FABP12: variants seen among roughly 807,000 people sequenced by gnomAD.
FABP12 encodes the protein fatty acid binding protein 12, also known as fatty acid-binding protein 12.
FABP12 carries 19 observed loss-of-function variants against 13.7 expected under a neutral mutation model. The ratio of observed to expected loss-of-function variants is 1.39; its 90% CI spans 0.97 to 2.04. The LOEUF is 2.04. Among genes scored for constraint, FABP12 ranks in the 30% most tolerant of loss-of-function variants. The pLI is 0.00. For missense variants in FABP12, 182 were observed against 164.2 expected, an observed-to-expected ratio of 1.11 and a Z score of -0.59; for synonymous variants, 61 against 57.0, an observed-to-expected ratio of 1.07 and a Z score of -0.32.
intron 1 of FABP12, among the ~76,000 whole-genome samples, chr8:81,573,992 G>A (rs1809982077): frequency 6.6e-6 from 1 of 152,142 alleles, no homozygotes; most frequent in Non-Finnish European, 1.5e-5. Context: ...GTACTATGTT[G>A]AAGAGGAGTG....
chr8:81,552,541 T>A (rs112918960), intron 1 of FABP12, among the ~76,000 whole-genome samples: 1,550 of 152,238 alleles, frequency 0.01, 16 homozygotes, highest in African/African-American at 0.034. Context: ...AGGAGACTTG[T>A]TAGACTGTCA....
upstream of FABP12, among the ~76,000 whole-genome samples, chr8:81,534,600 A>G (rs2129967456): frequency 6.6e-6 from 1 of 152,274 alleles, no homozygotes; most frequent in African/African-American, 2.4e-5. Flanking sequence ...AAGTGTCCAG[A>G]CAGCCTAGAT....
At chr8:81,575,038 A>T (rs1810011572) in intron 1 of FABP12, among the ~76,000 whole-genome samples, 1 of 151,412 alleles carries the variant, frequency 6.6e-6, no homozygotes, top group Middle Eastern at 3.4e-3. Flanking sequence ...CTTGAGGTGT[A>T]ACCTTAGAAT....
At chr8:81,535,543 C>G (rs1054917814), upstream of FABP12, among the ~76,000 whole-genome samples, 2 of 152,204 alleles carry the variant, frequency 1.3e-5, no homozygotes, top group African/African-American at 4.8e-5. Context: ...ACCGGACCTA[C>G]TGAGACCTAG....
intron 1 of FABP12, among the ~76,000 whole-genome samples, chr8:81,547,514 G>T (rs948744619): frequency 1.3e-5 from 2 of 152,122 alleles, no homozygotes; most frequent in African/African-American, 4.8e-5. Flanking sequence ...CTTCTTTTTA[G>T]CAGGTACTGA....
At chr8:81,528,689 A>G (rs9298366) in intron 3 of FABP12, among the ~76,000 whole-genome samples, 42,100 of 152,042 alleles carry the variant, frequency 0.28, 7,654 homozygotes, top group African/African-American at 0.53. Context: ...TGGTGTAGGG[A>G]AAAAGACTGT....
At chr8:81,567,850 G>A (rs796404094) in intron 1 of FABP12, among the ~76,000 whole-genome samples, 38 of 151,860 alleles carry the variant, frequency 2.5e-4, no homozygotes, top group African/African-American at 8.3e-4. Context: ...GGCCGGGCGC[G>A]GTGGCTCACG....
intron 1 of FABP12, among the ~76,000 whole-genome samples, chr8:81,571,876 C>G (rs1809937760): frequency 6.6e-6 from 1 of 152,216 alleles, no homozygotes; most frequent in Admixed American, 6.5e-5. Flanking sequence ...ATTCTTGAGT[C>G]TATCATAACA....
At chr8:81,568,620 C>T (rs1014296147) in intron 1 of FABP12, among the ~76,000 whole-genome samples, 1 of 152,124 alleles carries the variant, frequency 6.6e-6, no homozygotes, top group Non-Finnish European at 1.5e-5. Context: ...GCAGCAACAC[C>T]ACGGCTAGGT....
chr8:81,558,508 T>C (rs543779873), intron 1 of FABP12, among the ~76,000 whole-genome samples: 11 of 152,242 alleles, frequency 7.2e-5, no homozygotes, highest in African/African-American at 2.6e-4. Flanking sequence ...TCCCTGAGCC[T>C]GCTCCACGTG....
At chr8:81,554,530 GT>G (rs1162374189) in intron 1 of FABP12, among the ~76,000 whole-genome samples, 1 of 152,136 alleles carries the variant, frequency 6.6e-6, no homozygotes, top group Non-Finnish European at 1.5e-5. Flanking sequence ...TCTCTCAATA[GT>G]AAAGAATATT....
At chr8:81,528,837 G>A (rs749419101) in intron 3 of FABP12, among the ~76,000 whole-genome samples, 7 of 152,088 alleles carry the variant, frequency 4.6e-5, no homozygotes, top group Non-Finnish European at 1.0e-4. Flanking sequence ...TCTTTATCCT[G>A]GTGTTGGAGA....
chr8:81,576,958 G>T (rs939378364), intron 1 of FABP12, among the ~76,000 whole-genome samples: 1 of 152,172 alleles, frequency 6.6e-6, no homozygotes, highest in Non-Finnish European at 1.5e-5. Context: ...TTGGACAAAA[G>T]GGTCACATGG....
exon 2 of FABP12, chr8:81,531,297 C>G: frequency 6.2e-7 from 1 of 1,603,094 alleles, no homozygotes; most frequent in South Asian, 1.1e-5. Context: ...TTCCATGTTC[C>G]TTGGAGCTGG....
At chr8:81,525,867 C>G (rs1043618924) in intron 4 of FABP12, 3 of 152,128 alleles carry the variant, frequency 2.0e-5, no homozygotes, top group African/African-American at 7.2e-5. Context: ...CATGATGATA[C>G]TTAATTCTCT....
At chr8:81,549,537 A>T (rs1809493563) in intron 1 of FABP12, among the ~76,000 whole-genome samples, 1 of 152,194 alleles carries the variant, frequency 6.6e-6, no homozygotes, top group African/African-American at 2.4e-5. Flanking sequence ...AAAGAGAAGC[A>T]GCTACGTAGA....
chr8:81,552,573 G>A (rs1298370888), intron 1 of FABP12, among the ~76,000 whole-genome samples: 1 of 152,130 alleles, frequency 6.6e-6, no homozygotes, highest in Non-Finnish European at 1.5e-5. Flanking sequence ...AGTGGAGAAT[G>A]CTTGGAAGTA....
chr8:81,584,655 T>G (rs1810217130), intron 1 of FABP12, among the ~76,000 whole-genome samples: 2 of 152,194 alleles, frequency 1.3e-5, no homozygotes, highest in African/African-American at 4.8e-5. Context: ...CTTTTGGATA[T>G]GTACTCAGAA....
chr8:81,538,563 A>C (rs1809278469), upstream of FABP12, among the ~76,000 whole-genome samples: 1 of 152,206 alleles, frequency 6.6e-6, no homozygotes, highest in South Asian at 2.1e-4. Context: ...TGAAGATAGC[A>C]ATTGACGAGC....
Sources: allele counts gnomAD v4.1 joint callset (sites outside exome capture counted in the v4.1 genomes callset), GRCh38; gene constraint gnomAD v4.1.1; transcripts MANE v1.5; gene names NCBI Gene and HGNC (gene_info 2026-07-23, HGNC 2026-07-21).